The following ADCK1 variants were observed in gnomAD, a reference collection of about 807,000 sequenced individuals.
The protein encoded by ADCK1 is aarF domain-containing protein kinase 1.
Under a neutral mutation model 52.3 loss-of-function variants are expected in ADCK1, and 41 were observed. The observed-to-expected ratio is 0.78, with a 90% CI of 0.61 to 1.02. The LOEUF (loss-of-function observed/expected upper bound fraction) is 1.02, where lower values mean the gene tolerates loss of function less well. Among genes scored for constraint, ADCK1 ranks in the 50% least tolerant of loss-of-function variants. The probability of loss-of-function intolerance (pLI) is 0.00; values close to 1 mark genes in which losing one functional copy is unlikely to be tolerated. For synonymous variants in ADCK1, 250 were observed against 274.6 expected, an observed-to-expected ratio of 0.91 and a Z score of 0.89; for missense variants, 658 against 679.5, an observed-to-expected ratio of 0.97 and a Z score of 0.35.
intron 3 of ADCK1, among the ~76,000 whole-genome samples, chr14:77,854,743 G>C (rs1321419119): frequency 6.6e-6 from 1 of 152,038 alleles, no homozygotes; most frequent in Admixed American, 6.6e-5. Context: ...ATTTTTAGTA[G>C]AGGCGGGGTT....
chr14:77,874,275 T>A (rs540748096), intron 4 of ADCK1, among the ~76,000 whole-genome samples: 3 of 152,318 alleles, frequency 2.0e-5, no homozygotes, highest in African/African-American at 7.2e-5. Context: ...GACTGAACTT[T>A]GAAAGAGGTC....
At chr14:77,917,680 A>AT (rs923806994) in intron 7 of ADCK1, among the ~76,000 whole-genome samples, 6 of 152,082 alleles carry the variant, frequency 3.9e-5, no homozygotes, top group African/African-American at 9.7e-5. Flanking sequence ...TGAAAGGCAC[A>AT]TTTTTTTTAT....
intron 7 of ADCK1, among the ~76,000 whole-genome samples, chr14:77,918,198 CAT>C (rs1250394016): frequency 6.6e-6 from 1 of 152,158 alleles, no homozygotes; most frequent in Non-Finnish European, 1.5e-5. Context: ...GTGAGTGAAA[CAT>C]AGATTTAAAC....
intron 3 of ADCK1, among the ~76,000 whole-genome samples, chr14:77,842,569 G>T (rs28523792): frequency 0.08 from 9,205 of 114,824 alleles, 339 homozygotes; most frequent in Middle Eastern, 0.17. Context: ...ATTTTTTTTT[G>T]TTTGTTTGTG....
intron 4 of ADCK1, among the ~76,000 whole-genome samples, chr14:77,881,041 A>G (rs1405085868): frequency 3.3e-5 from 5 of 152,214 alleles, no homozygotes; most frequent in Non-Finnish European, 7.3e-5. Flanking sequence ...GATGTCTGGC[A>G]TGGGTTTGCT....
intron 1 of ADCK1, among the ~76,000 whole-genome samples, chr14:77,800,676 G>A (rs1436181411): frequency 6.6e-6 from 1 of 152,198 alleles, no homozygotes; most frequent in Non-Finnish European, 1.5e-5. Context: ...CCAGCATCTT[G>A]CAGGGCCCTG....
chr14:77,930,900 T>A (rs2084313789), intron 9 of ADCK1, among the ~76,000 whole-genome samples: 1 of 151,114 alleles, frequency 6.6e-6, no homozygotes, highest in Non-Finnish European at 1.5e-5. Context: ...GGGACAGGGA[T>A]CGTGGGGAGG....
In ADCK1 at chr14:77,933,510, C is replaced by A. The variant is rs1053821159; in HGVS notation, c.*119C>A. Reference sequence around the variant, plus strand: ...GGCCCGCAGCCCCAGAGTCACTGTCCATGTCACCATCCTTCTCCTCCTTTG... The same window carrying A: ...GGCCCGCAGCCCCAGAGTCACTGTCAATGTCACCATCCTTCTCCTCCTTTG... On this transcript the variant is annotated 3_prime_UTR_variant, in exon 11 of 11. Transcript: ENST00000238561. The A allele has an allele frequency of 5.6e-6, 7 of 1,258,406 alleles. No homozygotes were observed. The highest frequency in any genetic ancestry group is 7.9e-6 in the Non-Finnish European group (7 of 882,538). 78.0% of individuals were successfully genotyped at this position (1,258,406 alleles called of 1,614,324 possible).
Position 77,872,430 on chromosome 14 carries a change from C to T in ADCK1, c.423+13151C>T, listed in dbSNP as rs560434074. Among the ~76,000 whole-genome samples the T allele has an allele frequency of 5.3e-5, 8 of 152,256 alleles. No homozygotes were observed. The South Asian group carries it at 1.0e-3, about 20-fold the overall frequency. The stretch of plus-strand genomic sequence containing the variant: ...TGACCGCACATCTTGCCTTCCGCTC[C>T]GGGCTGGCCTCTGACCTGTGTTCCC... On this transcript the variant is annotated intron_variant, in intron 4 of 10. Transcript: ENST00000238561.
intron 3 of ADCK1, among the ~76,000 whole-genome samples, chr14:77,823,713 C>T (rs2081631270): frequency 6.6e-6 from 1 of 151,806 alleles, no homozygotes; most frequent in Middle Eastern, 3.2e-3. Flanking sequence ...GCTGGGATTA[C>T]ATATGCACAC....
chr14:77,803,526 A>G lies in ADCK1; in HGVS notation c.-12+3356A>G, dbSNP rs565615622. ...TCAGCTTCCCATTTGTACGTCCCAG[A>G]CTCTCCTGTTGCTTCATTTTCATAA... is the stretch of plus-strand genomic sequence containing the variant. On this transcript the variant is annotated intron_variant, in intron 1 of 10. Coordinates refer to ENST00000238561, the MANE Select transcript of ADCK1 (RefSeq NM_020421.4). Among the ~76,000 whole-genome samples, 327 of 151,936 alleles carry G rather than the reference A, an allele frequency of 2.2e-3. 1 individual carries two copies. Among genetic ancestry groups the G allele is most frequent in the African/African-American group, 7.4e-3 (306 of 41,416 alleles).
rs142005080 is a variant in ADCK1, at chr14:77,822,469, T to C, written c.170T>C (p.Leu57Pro). 1,622 of 1,614,128 alleles carry C rather than the reference T, an allele frequency of 1.0e-3. 3 individuals carry two copies. The highest frequency in any genetic ancestry group is 1.3e-3 in the Non-Finnish European group (1,497 of 1,180,012). ...AVISYDYLTS[L>P]KSVPYGSEEY... is the part of the protein sequence containing the mutation. ...ATCAGTTACGACTACCTCACTTCCCTGAAGAGTGTCCCTTATGGCTCAGAG... is the reference window on the plus strand; with the variant it reads ...ATCAGTTACGACTACCTCACTTCCCCGAAGAGTGTCCCTTATGGCTCAGAG... The change falls in exon 3 of 11, where the codon CTG becomes CCG. Residue 57 changes from leucine (L) to proline (P), a missense_variant. Transcript: ENST00000238561.
rs375498715 is a variant in ADCK1, at chr14:77,822,436, C to T, written c.137C>T (p.Thr46Met). 158 of 1,613,292 alleles carry T rather than the reference C, an allele frequency of 9.8e-5. No homozygotes were observed. The highest frequency in any genetic ancestry group is 3.3e-4 in the Middle Eastern group (2 of 6,084). ...TTTCTCCACTGCCTTGGTTCACAGACGGCTGTCATCAGTTACGACTACCTC... is the reference window on the plus strand; with the variant it reads ...TTTCTCCACTGCCTTGGTTCACAGATGGCTGTCATCAGTTACGACTACCTC... ...AVRVGRAVAT[T>M]AVISYDYLTS... Residue 46 changes from threonine to methionine, a missense_variant and splice_region_variant, in exon 3 of 11, where the codon ACG (threonine) becomes ATG (methionine). Physicochemically the swap from Thr to Met is moderately conservative, Grantham distance 81. Transcript: ENST00000238561.
At position 77,881,732 on chromosome 14, in the gene ADCK1, G is replaced by A. The variant is rs577582520; in HGVS notation, c.424-5359G>A. Among the ~76,000 whole-genome samples, 5 of 152,206 alleles carry A rather than the reference G, an allele frequency of 3.3e-5. No individual in the cohort carries two copies. In the South Asian group the frequency reaches 1.0e-3, roughly 32 times the overall value. On this transcript the variant is annotated intron_variant, in intron 4 of 10. Transcript: ENST00000238561. ...GGTCTTGAACTCCTAGCCTCAAGCA[G>A]TCCTCTTGCTTCAGCCTTCCAAAGT...
intron 6 of ADCK1, among the ~76,000 whole-genome samples, chr14:77,907,416 A>G (rs13379157): frequency 1.3e-5 from 2 of 152,266 alleles, no homozygotes; most frequent in Admixed American, 1.3e-4. Context: ...TTGGAGGCAG[A>G]GGGAGGAGTC....
intron 1 of ADCK1, among the ~76,000 whole-genome samples, chr14:77,805,675 G>A (rs1459444998): frequency 1.3e-5 from 2 of 152,152 alleles, no homozygotes; most frequent in East Asian, 1.9e-4. Context: ...GCATGTTTGA[G>A]GAATGGCACA....
intron 4 of ADCK1, among the ~76,000 whole-genome samples, chr14:77,872,549 G>A (rs1050637410): frequency 1.3e-5 from 2 of 151,984 alleles, no homozygotes; most frequent in East Asian, 1.9e-4. Context: ...GAAAGGTGCT[G>A]CCTCTCTGTG....
At chr14:77,803,233 G>A (rs1317113512) in intron 1 of ADCK1, among the ~76,000 whole-genome samples, 1 of 152,068 alleles carries the variant, frequency 6.6e-6, no homozygotes. Context: ...ATGCTCATTG[G>A]TATAATAGTC....
At chr14:77,801,156 A>G (rs752461163) in intron 1 of ADCK1, among the ~76,000 whole-genome samples, 1 of 152,214 alleles carries the variant, frequency 6.6e-6, no homozygotes, top group Non-Finnish European at 1.5e-5. Context: ...CTGGAGAGCT[A>G]GTAACAACAC....
Sources: gnomAD v4.1 joint callset for allele counts (sites outside exome capture counted in the v4.1 genomes callset) on GRCh38, gnomAD v4.1.1 for gene constraint, MANE v1.5 for transcripts, NCBI Gene and HGNC (gene_info 2026-07-23, HGNC 2026-07-21) for gene names.